The following CPNE2 variants were observed in gnomAD, a reference collection of about 807,000 sequenced individuals.
CPNE2 encodes copine 2, also known as copine-2.
In CPNE2, 42 loss-of-function variants were observed where a neutral mutation model predicts 69.7. The ratio of observed to expected loss-of-function variants is 0.60; its 90% CI spans 0.47 to 0.78. CPNE2 has a LOEUF of 0.78. CPNE2 is among the 30% of genes least tolerant of loss of function. The pLI is 0.00. For missense variants in CPNE2, 587 were observed against 732.0 expected (o/e 0.80, Z 2.29); for synonymous variants, 294 against 289.8 (o/e 1.01, Z -0.15).
In CPNE2 at chr16:57,147,771, T is replaced by A. The variant is rs560996839; in HGVS notation, c.*113T>A. On this transcript the variant is annotated 3_prime_UTR_variant, in exon 16 of 16. Transcript: ENST00000290776. ...CTTTTTTTACCGATCCCCTTTTTTA[T>A]TTTTTACAACCGGACCTCCACCCCC... The A allele has an allele frequency of 1.4e-5, 9 of 621,214 alleles. No homozygotes were observed. In the East Asian group the frequency reaches 2.6e-4, roughly 18 times the overall value. 38.5% of individuals were successfully genotyped at this position (621,214 alleles called of 1,614,324 possible). A position where few individuals can be genotyped will look rare whatever the true frequency, so the allele number is the denominator to read the frequency against.
chr16:57,114,033 T>C (rs9925597), intron 3 of CPNE2, among the ~76,000 whole-genome samples: 50,028 of 151,874 alleles, frequency 0.33, 8,381 homozygotes, highest in Middle Eastern at 0.43. Flanking sequence ...CCAGCCTACA[T>C]GGTTGATAAG....
intron 12 of CPNE2, among the ~76,000 whole-genome samples, chr16:57,133,737 C>G (rs542187950): frequency 6.6e-6 from 1 of 152,128 alleles, no homozygotes; most frequent in Non-Finnish European, 1.5e-5. Flanking sequence ...GACCTCAGTT[C>G]GAGTCCCAGC....
chr16:57,119,084 C>T, intron 5 of CPNE2, 111 bp from the exon 6 acceptor site: 1 of 947,222 alleles, frequency 1.1e-6, no homozygotes, highest in South Asian at 1.5e-5. Flanking sequence ...CTGGCTCTGC[C>T]CACAGCTCCT....
At chr16:57,122,349 C>G (rs1000140294) in intron 9 of CPNE2, among the ~76,000 whole-genome samples, 2 of 152,316 alleles carry the variant, frequency 1.3e-5, no homozygotes, top group East Asian at 3.9e-4. Flanking sequence ...CTGGCCGCTG[C>G]TCTCCACCAG....
intron 4 of CPNE2, among the ~76,000 whole-genome samples, chr16:57,117,138 G>A (rs1193790239): frequency 6.6e-6 from 1 of 152,100 alleles, no homozygotes; most frequent in African/African-American, 2.4e-5. Context: ...CTCTGTGGCT[G>A]CCGCAGGGGC....
Position 57,147,905 on chromosome 16 carries a change from T to C in CPNE2, c.*247T>C. The C allele has an allele frequency of 7.9e-6, 3 of 380,032 alleles. No homozygotes were observed. The highest frequency in any genetic ancestry group is 4.5e-5 in the Admixed American group (1 of 22,344). The allele number at this position is 380,032 out of a possible 1,614,324, so 23.5% of individuals were successfully genotyped here. ...CCCCACCTTTGCCATTCTTAAGTATTGAATGTACTTTGTATAATTTTAGTG... is the reference window on the plus strand; with the variant it reads ...CCCCACCTTTGCCATTCTTAAGTATCGAATGTACTTTGTATAATTTTAGTG... On this transcript the variant is annotated 3_prime_UTR_variant, in exon 16 of 16. Transcript: ENST00000290776.
chr16:57,119,049 C>A, intron 5 of CPNE2, 146 bp from the exon 6 acceptor site: 1 of 683,012 alleles, frequency 1.5e-6, no homozygotes, highest in Non-Finnish European at 2.5e-6. Context: ...CTGAGCCTTG[C>A]AGAGTCTGAG....
At chr16:57,145,049 C>G (rs2069947445) in intron 14 of CPNE2, 1 of 152,168 alleles carries the variant, frequency 6.6e-6, no homozygotes, top group African/African-American at 2.4e-5. Flanking sequence ...CCCCACTTCA[C>G]AGTTTGTATT....
At chr16:57,142,871 GTTA>G (rs2069932810) in intron 14 of CPNE2, 1 of 152,206 alleles carries the variant, frequency 6.6e-6, no homozygotes, top group Non-Finnish European at 1.5e-5. Context: ...CAAATCAAAC[GTTA>G]AATGCATTAG....
At position 57,119,617 on chromosome 16, in the gene CPNE2, C is replaced by T. The variant is rs768213884; in HGVS notation, c.648C>T (p.Ser216=). 1.2e-6 allele frequency: 2 copies of T among 1,612,748 alleles called. No homozygotes were observed. Among genetic ancestry groups the T allele is most frequent in the Non-Finnish European group, 1.7e-6 (2 of 1,179,488 alleles). Residue 216 remains serine, a synonymous_variant, in exon 7 of 16, where the codon TCC becomes TCT. Transcript: ENST00000290776. ...VWKPFTVPLV[S]LCDGDMEKPI... ...AGCCATTCACAGTGCCCTTGGTGTCCCTGTGTGATGGGGACATGGAGAAGC... is the reference window on the plus strand; with the variant it reads ...AGCCATTCACAGTGCCCTTGGTGTCTCTGTGTGATGGGGACATGGAGAAGC...
intron 12 of CPNE2, among the ~76,000 whole-genome samples, chr16:57,129,340 G>A (rs776816018): frequency 3.3e-5 from 5 of 152,122 alleles, no homozygotes; most frequent in African/African-American, 1.2e-4. Flanking sequence ...GAGAGAAGGG[G>A]CGAAGGCAAG....
intron 13 of CPNE2, among the ~76,000 whole-genome samples, chr16:57,136,137 G>T (rs1386432105): frequency 2.0e-5 from 3 of 152,132 alleles, no homozygotes; most frequent in African/African-American, 7.2e-5. Flanking sequence ...GGGGATGCAG[G>T]TGGGTATGGA....
chr16:57,128,692 G>A (rs1360576389), intron 12 of CPNE2, among the ~76,000 whole-genome samples: 2 of 152,148 alleles, frequency 1.3e-5, no homozygotes, highest in Non-Finnish European at 2.9e-5. Flanking sequence ...GACTTTTAGT[G>A]TATTCATCAC....
intron 1 of CPNE2, chr16:57,106,164 C>T (rs1335781711): frequency 6.5e-6 from 1 of 152,814 alleles, no homozygotes; most frequent in Admixed American, 6.5e-5. Context: ...CCAGAAGCTT[C>T]CAGCCAGAGG....
chr16:57,129,028 C>CT (rs1480569541), intron 12 of CPNE2: 1 of 152,488 alleles, frequency 6.6e-6, no homozygotes, highest in Non-Finnish European at 1.5e-5. Flanking sequence ...GGGGCAAGCT[C>CT]TAAGCCAAGA....
At chr16:57,119,133 C>G (rs1430886983) in intron 5 of CPNE2, 62 bp from the exon 6 acceptor site, 5 of 1,453,004 alleles carry the variant, frequency 3.4e-6, no homozygotes, top group African/African-American at 1.4e-5. Context: ...GGGCCACACC[C>G]CCATCTGCCT....
intron 13 of CPNE2, among the ~76,000 whole-genome samples, chr16:57,135,745 G>A (rs1396874548): frequency 1.3e-5 from 2 of 150,810 alleles, no homozygotes; most frequent in East Asian, 2.0e-4. Flanking sequence ...GTGGTGGTGC[G>A]CACCTGTAAT....
intron 10 of CPNE2, chr16:57,125,529 A>G (rs774199131): frequency 2.3e-5 from 9 of 392,786 alleles, no homozygotes; most frequent in Non-Finnish European, 4.5e-5. Flanking sequence ...TGCAGAGCGA[A>G]GCTTATGAAT....
intron 5 of CPNE2, among the ~76,000 whole-genome samples, chr16:57,118,173 T>TC: frequency 6.6e-6 from 1 of 150,522 alleles, no homozygotes; most frequent in East Asian, 1.9e-4. Context: ...CTTTCTTTTT[T>TC]TTTTTTTTTT....
Sources: gnomAD v4.1 joint callset for allele counts (sites outside exome capture counted in the v4.1 genomes callset) on GRCh38, gnomAD v4.1.1 for gene constraint, MANE v1.5 for transcripts, NCBI Gene and HGNC (gene_info 2026-07-23, HGNC 2026-07-21) for gene names.